The following RALGAPA2 variants were observed in gnomAD, a reference collection of about 807,000 sequenced individuals.
RALGAPA2 encodes the protein Ral GTPase activating protein catalytic subunit alpha 2.
Under a neutral mutation model 230.4 loss-of-function variants are expected in RALGAPA2, and 139 were observed. That is an observed-to-expected ratio of 0.60 (90% CI 0.53 to 0.69). The LOEUF is 0.69. RALGAPA2 is among the 30% of genes least tolerant of loss of function. The pLI is 0.00. For synonymous variants in RALGAPA2, 847 were observed against 837.8 expected (o/e 1.01, Z -0.19); for missense variants, 2,163 against 2,276.0 (o/e 0.95, Z 1.01).
At chr20:20,637,549 T>G (rs1400350470) in intron 7 of RALGAPA2, 48 bp from the exon 8 acceptor site, 3 of 1,472,246 alleles carry the variant, frequency 2.0e-6, no homozygotes, top group Non-Finnish European at 1.8e-6. Flanking sequence ...ATATTTCAAA[T>G]TAACATATAC....
Position 20,712,603 on chromosome 20 carries a change from T to TGCTGCCGCCGCCGCCGCCGCCGCC in RALGAPA2, c.-124_-123insGGCGGCGGCGGCGGCGGCGGCAGC, listed in dbSNP as rs1555833907. The TGCTGCCGCCGCCGCCGCCGCCGCC allele has an allele frequency of 8.5e-7, 1 of 1,171,346 alleles. No homozygotes were observed. The highest frequency in any genetic ancestry group is 1.6e-5 in the African/African-American group (1 of 61,396). 72.6% of individuals were successfully genotyped at this position (1,171,346 alleles called of 1,614,324 possible). Reference sequence around the variant, plus strand: ...CACTCGCCGCCCCCAGCCCCGCTGCTGCCGCCGCCGCCGCCGCCGCCGCCG... The same window carrying TGCTGCCGCCGCCGCCGCCGCCGCC: ...CACTCGCCGCCCCCAGCCCCGCTGCTGCTGCCGCCGCCGCCGCCGCCGCCGCCGCCGCCGCCGCCGCCGCCGCCG... On this transcript the variant is annotated 5_prime_UTR_variant, in exon 1 of 40. Coordinates refer to ENST00000202677, the MANE Select transcript of RALGAPA2 (RefSeq NM_020343.4). The surrounding 1 kb of genome is among the most constrained non-coding windows in gnomAD (Gnocchi z 5.5).
intron 36 of RALGAPA2, among the ~76,000 whole-genome samples, chr20:20,489,567 GAAA>G (rs200699269): frequency 7.5e-6 from 1 of 132,534 alleles, no homozygotes; most frequent in African/African-American, 2.8e-5. Flanking sequence ...AAGTATTCAT[GAAA>G]AAAAAAAAAA....
At position 20,712,610 on chromosome 20, in the gene RALGAPA2, G is replaced by A. The variant is rs2069939654; in HGVS notation, c.-130C>T. The A allele has an allele frequency of 4.2e-6, 5 of 1,183,220 alleles. No individual in the cohort carries two copies. In the South Asian group the frequency reaches 1.2e-4, roughly 27 times the overall value. 73.3% of individuals were successfully genotyped at this position (1,183,220 alleles called of 1,614,324 possible). On this transcript the variant is annotated 5_prime_UTR_variant, in exon 1 of 40. Coordinates refer to ENST00000202677, the MANE Select transcript of RALGAPA2 (RefSeq NM_020343.4). This position sits in a 1 kb window ranked among gnomAD's most constrained non-coding sequence, Gnocchi z 5.5. Reference sequence around the variant, plus strand: ...CGCCCCCAGCCCCGCTGCTGCCGCCGCCGCCGCCGCCGCCGCCGCCTCAGC... The same window carrying A: ...CGCCCCCAGCCCCGCTGCTGCCGCCACCGCCGCCGCCGCCGCCGCCTCAGC...
At position 20,524,819 on chromosome 20, in the gene RALGAPA2, G is replaced by A. The variant is rs1457552911; in HGVS notation, c.3762+11C>T. 5 of 1,574,852 alleles carry A rather than the reference G, an allele frequency of 3.2e-6. No homozygotes were observed. Among genetic ancestry groups the A allele is most frequent in the East Asian group, 2.2e-5 (1 of 44,590 alleles). On this transcript the variant is annotated intron_variant, in intron 29 of 39. Transcript: ENST00000202677. ...AAACTATAGGAAAAACTTAGTTAAT[G>A]TGCCACCTACCTTCTTGTCTGTTTC...
chr20:20,393,339 G>T (rs1319859365), intron 39 of RALGAPA2, 86 bp from the exon 40 acceptor site: 31 of 1,066,626 alleles, frequency 2.9e-5, no homozygotes, highest in Non-Finnish European at 3.8e-5. Flanking sequence ...GTGGCACTCA[G>T]AAGGGAGGGA....
chr20:20,448,871 T>C (rs1342225426), intron 37 of RALGAPA2, among the ~76,000 whole-genome samples: 1 of 149,048 alleles, frequency 6.7e-6, no homozygotes, highest in African/African-American at 2.5e-5. Context: ...TGAATGTATA[T>C]TGAAAAAAAA....
At chr20:20,697,755 T>C (rs143016083) in intron 1 of RALGAPA2, among the ~76,000 whole-genome samples, 1 of 152,138 alleles carries the variant, frequency 6.6e-6, no homozygotes, top group East Asian at 1.9e-4. Context: ...ACCACACCTG[T>C]ACCTGGCAGA....
At chr20:20,660,492 C>G (rs943769062) in intron 3 of RALGAPA2, among the ~76,000 whole-genome samples, 1 of 151,328 alleles carries the variant, frequency 6.6e-6, no homozygotes, top group African/African-American at 2.4e-5. Context: ...CAGAGTTGAT[C>G]GGAAGAGCAT....
rs1014860481 is a variant in RALGAPA2, at chr20:20,571,575, T to C, written c.3039A>G (p.Leu1013=). ...TLPNEYKEGK[L]QAYRLICAMM... is the part of the protein sequence containing the mutation. ...TGGCACAGATCAGCCTGTAGGCTTG[T>C]AGTTTGCCTTCCTTATATTCATTTG... Residue 1013 remains leucine, a synonymous_variant, in exon 23 of 40, where the codon CTA becomes CTG. Transcript: ENST00000202677. 6.2e-7 allele frequency: 1 copy of C among 1,611,862 alleles called. No homozygotes were observed. The highest frequency in any genetic ancestry group is 8.5e-7 in the Non-Finnish European group (1 of 1,179,078).
intron 23 of RALGAPA2, among the ~76,000 whole-genome samples, chr20:20,547,451 A>T (rs1424953042): frequency 6.6e-6 from 1 of 152,234 alleles, no homozygotes; most frequent in Non-Finnish European, 1.5e-5. Context: ...GAAGAGCATC[A>T]TCTGCCCCAG....
intron 23 of RALGAPA2, among the ~76,000 whole-genome samples, chr20:20,566,362 A>G (rs1179900076): frequency 6.6e-6 from 1 of 152,236 alleles, no homozygotes; most frequent in East Asian, 1.9e-4. Context: ...ATAAGCATAC[A>G]TGGGTAAAAC....
At chr20:20,543,425 G>A (rs1407818784) in intron 24 of RALGAPA2, among the ~76,000 whole-genome samples, 1 of 152,142 alleles carries the variant, frequency 6.6e-6, no homozygotes, top group African/African-American at 2.4e-5. Context: ...AAAGACACAT[G>A]CACACGTGTG....
chr20:20,535,552 C>T (rs1249962804), intron 26 of RALGAPA2, among the ~76,000 whole-genome samples, 193 bp downstream of exon 26: 1 of 152,182 alleles, frequency 6.6e-6, no homozygotes, highest in Non-Finnish European at 1.5e-5. Flanking sequence ...CTGCACTTTA[C>T]AATTTTTACT....
chr20:20,413,621 T>C (rs1377652360), intron 37 of RALGAPA2, among the ~76,000 whole-genome samples: 2 of 152,226 alleles, frequency 1.3e-5, no homozygotes, highest in African/African-American at 4.8e-5. Flanking sequence ...AGGGGTTCTA[T>C]ACTGGATCGC....
intron 25 of RALGAPA2, among the ~76,000 whole-genome samples, chr20:20,536,348 G>A (rs2063497103): frequency 6.6e-6 from 1 of 152,166 alleles, no homozygotes; most frequent in Non-Finnish European, 1.5e-5. Context: ...CACTAATGCA[G>A]TTAGTTAAGC....
At chr20:20,597,732 G>A (rs1480330266) in intron 16 of RALGAPA2, among the ~76,000 whole-genome samples, 5 of 152,000 alleles carry the variant, frequency 3.3e-5, no homozygotes, top group African/African-American at 1.2e-4. Context: ...CTAGCTACTC[G>A]GGAGGCTGAG....
At chr20:20,560,060 C>T (rs1184109461) in intron 23 of RALGAPA2, among the ~76,000 whole-genome samples, 2 of 152,018 alleles carry the variant, frequency 1.3e-5, no homozygotes, top group African/African-American at 4.8e-5. Context: ...CTAAGGCAGC[C>T]CCTGCCTTCC....
At chr20:20,687,947 T>A (rs896940551) in intron 1 of RALGAPA2, among the ~76,000 whole-genome samples, 1 of 152,168 alleles carries the variant, frequency 6.6e-6, no homozygotes, top group African/African-American at 2.4e-5. Flanking sequence ...AGGAATTCCT[T>A]TTCCTGACAC....
At chr20:20,539,915 T>C (rs1246316885) in intron 24 of RALGAPA2, among the ~76,000 whole-genome samples, 1 of 152,244 alleles carries the variant, frequency 6.6e-6, no homozygotes, top group Admixed American at 6.5e-5. Context: ...GGTTCATTCA[T>C]GTTGTTGCAA....
Sources: allele counts gnomAD v4.1 joint callset (sites outside exome capture counted in the v4.1 genomes callset), GRCh38; gene constraint gnomAD v4.1.1; non-coding constraint Gnocchi (gnomAD v3.1); transcripts MANE v1.5; gene names NCBI Gene and HGNC (gene_info 2026-07-23, HGNC 2026-07-21).